DPP10: variants seen among roughly 807,000 people sequenced by gnomAD.
DPP10 encodes the protein inactive dipeptidyl peptidase 10.
Under a neutral mutation model 120.9 loss-of-function variants are expected in DPP10, and 33 were observed. The ratio of observed to expected loss-of-function variants is 0.27; its 90% confidence interval spans 0.21 to 0.37. DPP10 has a LOEUF of 0.37. Among genes scored for constraint, DPP10 ranks in the 10% least tolerant of loss-of-function variants. DPP10 has a pLI of 1.00. For synonymous variants in DPP10, 337 were observed against 326.1 expected (o/e 1.03, Z -0.36); for missense variants, 816 against 942.8 (o/e 0.87, Z 1.76).
chr2:115,836,454 CCAGT>C, intron 22 of DPP10, 49 bp from the exon 23 acceptor site: 2 of 1,562,612 alleles, frequency 1.3e-6, no homozygotes, highest in Non-Finnish European at 1.7e-6. Flanking sequence ...ATGAAATATG[CCAGT>C]CAAATAGTTT....
chr2:115,208,905 C>T (rs1296560653), intron 1 of DPP10, among the ~76,000 whole-genome samples: 2 of 152,080 alleles, frequency 1.3e-5, no homozygotes, highest in Non-Finnish European at 2.9e-5. Context: ...TTTTTTACAC[C>T]TAATACTTGA....
At chr2:115,243,924 A>G (rs2058403306) in intron 1 of DPP10, among the ~76,000 whole-genome samples, 1 of 151,872 alleles carries the variant, frequency 6.6e-6, no homozygotes, top group Admixed American at 6.6e-5. Context: ...TCCCCATTAT[A>G]AAATAATATT....
At chr2:115,584,642 C>T (rs1009773707) in intron 5 of DPP10, among the ~76,000 whole-genome samples, 1 of 152,196 alleles carries the variant, frequency 6.6e-6, no homozygotes, top group African/African-American at 2.4e-5. Flanking sequence ...TTGCTGCCTG[C>T]TTAGAAAGCT....
intron 1 of DPP10, among the ~76,000 whole-genome samples, chr2:115,088,112 C>T (rs536689380): frequency 1.4e-4 from 22 of 152,208 alleles, no homozygotes; most frequent in African/African-American, 5.3e-4. Flanking sequence ...AAGGAGAGAC[C>T]TAGCTTTCTC....
At chr2:115,652,767 G>T (rs2087914548) in intron 5 of DPP10, among the ~76,000 whole-genome samples, 1 of 151,832 alleles carries the variant, frequency 6.6e-6, no homozygotes, top group Non-Finnish European at 1.5e-5. Flanking sequence ...CCATGGATTG[G>T]ATGAGGCCCA....
chr2:114,758,709 T>TG (rs1237591206), intron 1 of DPP10, among the ~76,000 whole-genome samples: 1 of 152,220 alleles, frequency 6.6e-6, no homozygotes, highest in East Asian at 1.9e-4. Flanking sequence ...AAATTAGAGA[T>TG]GTCTTGCATA....
In DPP10 at chr2:115,845,498, C is replaced by T. The variant is rs1360882975; in HGVS notation, c.*3153C>T. On this transcript the variant is annotated 3_prime_UTR_variant, in exon 26 of 26. Transcript: ENST00000410059. Reference sequence around the variant, plus strand: ...ACTGATCTTTCCCTCAGATATTCTACATGGTCCATGGAAGACTCTGTGGGC... The same window carrying T: ...ACTGATCTTTCCCTCAGATATTCTATATGGTCCATGGAAGACTCTGTGGGC... 6.6e-6 allele frequency: 1 copy of T among 152,192 alleles called. No individual in the cohort carries two copies. Among genetic ancestry groups the T allele is most frequent in the African/African-American group, 2.4e-5 (1 of 41,446 alleles). The allele number at this position is 152,192 out of a possible 1,614,324, so 9.4% of individuals were successfully genotyped here. A position where few individuals can be genotyped will look rare whatever the true frequency, so the allele number is the denominator to read the frequency against.
At chr2:114,553,346 C>T (rs1688039189) in intron 1 of DPP10, among the ~76,000 whole-genome samples, 1 of 152,206 alleles carries the variant, frequency 6.6e-6, no homozygotes, top group African/African-American at 2.4e-5. Context: ...ATTGGATCCA[C>T]AGCTGGAGTT....
chr2:115,525,870 T>C (rs772943890), intron 4 of DPP10, 28 bp from the exon 5 acceptor site: 1 of 1,551,526 alleles, frequency 6.4e-7, no homozygotes, highest in East Asian at 2.2e-5. Flanking sequence ...AGTTTTTAAA[T>C]ATAACTGGTT....
chr2:114,576,878 T>C (rs925089014), intron 1 of DPP10, among the ~76,000 whole-genome samples: 2 of 151,878 alleles, frequency 1.3e-5, no homozygotes, highest in Non-Finnish European at 2.9e-5. Flanking sequence ...AGAGTGTTTT[T>C]TTTTTGTTTG....
In DPP10 at chr2:114,620,283, A is replaced by G. The variant is rs996853620; in HGVS notation, c.60+177445A>G. 3.9e-5 allele frequency among the ~76,000 whole-genome samples: 6 copies of G among 151,962 alleles called. No homozygotes were observed. The East Asian group carries it at 7.7e-4, about 20-fold the overall frequency. On this transcript the variant is annotated intron_variant, in intron 1 of 25. Transcript: ENST00000410059. Reference sequence around the variant, plus strand: ...AACACAAGTGGGTTTTTGGCATGTCATTTTCAGGAAAAAGCAGTGAGTAGA... The same window carrying G: ...AACACAAGTGGGTTTTTGGCATGTCGTTTTCAGGAAAAAGCAGTGAGTAGA...
intron 1 of DPP10, among the ~76,000 whole-genome samples, chr2:115,153,290 T>G (rs1036513213): frequency 6.6e-6 from 1 of 152,214 alleles, no homozygotes; most frequent in Non-Finnish European, 1.5e-5. Context: ...ACCAATTTCC[T>G]GTTGGGAAAG....
intron 1 of DPP10, among the ~76,000 whole-genome samples, chr2:114,654,814 G>A (rs1199758684): frequency 2.0e-5 from 3 of 152,076 alleles, no homozygotes; most frequent in Non-Finnish European, 4.4e-5. Context: ...AAACATGGAA[G>A]GCACAACTGG....
Position 114,959,282 on chromosome 2 carries a change from C to T in DPP10, c.61-349957C>T, listed in dbSNP as rs1698438789. On this transcript the variant is annotated intron_variant, in intron 1 of 25. Coordinates refer to ENST00000410059, the MANE Select transcript of DPP10 (RefSeq NM_020868.6). ...TCACAATCACTAGTCTGTCTGAGTCCATAGATTTGCCTATTCTAGACATTT... is the reference window on the plus strand; with the variant it reads ...TCACAATCACTAGTCTGTCTGAGTCTATAGATTTGCCTATTCTAGACATTT... 2.6e-5 allele frequency among the ~76,000 whole-genome samples: 4 copies of T among 152,160 alleles called. No individual in the cohort carries two copies. In the South Asian group the frequency reaches 8.3e-4, roughly 31 times the overall value.
intron 12 of DPP10, among the ~76,000 whole-genome samples, chr2:115,767,324 C>T (rs1367946931): frequency 6.6e-6 from 1 of 152,074 alleles, no homozygotes; most frequent in African/African-American, 2.4e-5. Context: ...CAGAGCTACT[C>T]AGGACCCATA....
Position 115,210,889 on chromosome 2 carries a change from G to A in DPP10, c.61-98350G>A, listed in dbSNP as rs113963533. Among the ~76,000 whole-genome samples the A allele has an allele frequency of 5.2e-3, 796 of 151,806 alleles. 6 individuals carry two copies. The highest frequency in any genetic ancestry group is 0.018 in the African/African-American group (728 of 41,378). On this transcript the variant is annotated intron_variant, in intron 1 of 25. Transcript: ENST00000410059. The stretch of plus-strand genomic sequence containing the variant: ...TTGTTTTTTTCTTGTAAATTTGTGC[G>A]TCCTCTTCTCTATTAAAAAAAACTT...
intron 17 of DPP10, 90 bp downstream of exon 17, chr2:115,782,489 ATTCTTCTTC>A: frequency 7.9e-7 from 1 of 1,260,564 alleles, no homozygotes; most frequent in Non-Finnish European, 1.1e-6. Context: ...TCCTCTATAA[ATTCTTCTTC>A]AAAAAATCCC....
At chr2:114,632,641 T>G (rs1695019824) in intron 1 of DPP10, among the ~76,000 whole-genome samples, 1 of 148,508 alleles carries the variant, frequency 6.7e-6, no homozygotes, top group Admixed American at 6.8e-5. Context: ...GCCTCCCGAA[T>G]AGCTGGGACT....
Position 115,593,400 on chromosome 2 carries a change from G to A in DPP10, c.441+67428G>A, listed in dbSNP as rs186905683. Among the ~76,000 whole-genome samples the A allele has an allele frequency of 4.0e-3, 613 of 152,250 alleles. 4 individuals are homozygous for A. The highest frequency in any genetic ancestry group is 0.027 in the Middle Eastern group (8 of 294). On this transcript the variant is annotated intron_variant, in intron 5 of 25. Coordinates refer to ENST00000410059, the MANE Select transcript of DPP10 (RefSeq NM_020868.6). ...TGTAATTTGGACCAAGAGTTCAAGT[G>A]AACTTTCTGAGAAATCCACACATCA...
Sources: allele counts gnomAD v4.1 joint callset (sites outside exome capture counted in the v4.1 genomes callset), GRCh38; gene constraint gnomAD v4.1.1; transcripts MANE v1.5; gene names NCBI Gene and HGNC (gene_info 2026-07-23, HGNC 2026-07-21).